The following DHRS1 variants were observed in gnomAD, a reference collection of about 807,000 sequenced individuals.
DHRS1 encodes the protein dehydrogenase/reductase SDR family member 1.
In DHRS1, 34 loss-of-function variants were observed where a neutral mutation model predicts 35.2. The observed-to-expected ratio is 0.97, with a 90% confidence interval of 0.74 to 1.29. DHRS1 has a LOEUF of 1.29. Among genes scored for constraint, DHRS1 ranks in the 50% most tolerant of loss-of-function variants. The pLI, the probability that DHRS1 is intolerant of heterozygous loss-of-function variation, is 0.00. For missense variants in DHRS1, 354 were observed against 403.6 expected (o/e 0.88, Z 1.05); for synonymous variants, 133 against 160.0 (o/e 0.83, Z 1.27).
Position 24,290,712 on chromosome 14 carries a change from C to T in DHRS1, c.*147G>A. 1 of 1,030,984 alleles carries T rather than the reference C, an allele frequency of 9.7e-7. No individual in the cohort carries two copies. The highest frequency in any genetic ancestry group is 2.4e-5 in the Admixed American group (1 of 41,562). 63.9% of individuals were successfully genotyped at this position (1,030,984 alleles called of 1,614,324 possible). ...ACAAAGAAGGGACCTAGGCGCACCC[C>T]AGAACTCACCACGGACACACAGCAG... On this transcript the variant is annotated 3_prime_UTR_variant, in exon 9 of 9. Coordinates refer to ENST00000288111, the MANE Select transcript of DHRS1 (RefSeq NM_001136050.3).
At chr14:24,297,113 C>A (rs2041263143) in intron 2 of DHRS1, among the ~76,000 whole-genome samples, 1 of 152,242 alleles carries the variant, frequency 6.6e-6, no homozygotes, top group South Asian at 2.1e-4. Context: ...TTTTAATAAT[C>A]TACAAACATT....
chr14:24,291,455 A>G lies in DHRS1; in HGVS notation c.724+101T>C, dbSNP rs183087763. The stretch of plus-strand genomic sequence containing the variant: ...CTCAAAAAGCAGAGAAAAGAATGAC[A>G]TGTTCCTCAACCAACTCCCGAGCCA... On this transcript the variant is annotated intron_variant, in intron 7 of 8. Transcript: ENST00000288111. 6.9e-6 allele frequency: 9 copies of G among 1,311,120 alleles called. No individual in the cohort carries two copies. In the African/African-American group the frequency reaches 1.0e-4, roughly 15 times the overall value. 81.2% of individuals were successfully genotyped at this position (1,311,120 alleles called of 1,614,324 possible).
intron 4 of DHRS1, among the ~76,000 whole-genome samples, chr14:24,295,729 C>T (rs1334057476): frequency 1.3e-5 from 2 of 152,224 alleles, no homozygotes; most frequent in Non-Finnish European, 2.9e-5. Flanking sequence ...CCTCCTCTGT[C>T]CTAATGATCT....
rs1160438715 is a variant in DHRS1, at chr14:24,290,756, A to C, written c.*103T>G. ...ACAGCAGAGGGCTTCTCTTCATATC[A>C]AGGGTATGGGTAAACAAGAAAGGCT... On this transcript the variant is annotated 3_prime_UTR_variant, in exon 9 of 9. Transcript: ENST00000288111. 1 of 1,461,664 alleles carries C rather than the reference A, an allele frequency of 6.8e-7. No homozygotes were observed. The highest frequency in any genetic ancestry group is 2.3e-5 in the East Asian group (1 of 43,946). 90.5% of individuals were successfully genotyped at this position (1,461,664 alleles called of 1,614,324 possible). A position where few individuals can be genotyped will look rare whatever the true frequency, so the allele number is the denominator to read the frequency against.
In DHRS1 at chr14:24,296,824, C is replaced by G; in HGVS notation, c.208G>C (p.Glu70Gln). The G allele has an allele frequency of 6.2e-7, 1 of 1,614,250 alleles. No individual in the cohort carries two copies. Among genetic ancestry groups the G allele is most frequent in the Non-Finnish European group, 8.5e-7 (1 of 1,180,044 alleles). The change falls in exon 3 of 9, where the codon GAA (glutamate) becomes CAA (glutamine). Residue 70 changes from glutamate (E) to glutamine (Q), a missense_variant. Coordinates refer to ENST00000288111, the MANE Select transcript of DHRS1 (RefSeq NM_001136050.3). ...PVVCDSSQES[E>Q]VRSLFEQVDR... is the part of the protein sequence containing the mutation. ...ACTTGCTCAAACAGGCTTCGCACTT[C>G]ACTCTCCTGGCTTGAATCGCACACC...
At chr14:24,291,510 A>T in intron 7 of DHRS1, 46 bp downstream of exon 7, 3 of 1,589,050 alleles carry the variant, frequency 1.9e-6, no homozygotes, top group Non-Finnish European at 2.6e-6. Context: ...ACCGCACTAC[A>T]CATCCTCCAT....
Position 24,292,680 on chromosome 14 carries a change from T to C in DHRS1, c.479A>G (p.Asn160Ser), listed in dbSNP as rs1012258863. 8.7e-6 allele frequency: 14 copies of C among 1,614,210 alleles called. No individual in the cohort carries two copies. The highest frequency in any genetic ancestry group is 1.2e-5 in the Non-Finnish European group (14 of 1,180,024). ...SSPGSLQYMFNVPYGVGKAAC... is the reference protein window; with the variant it reads ...SSPGSLQYMFSVPYGVGKAAC... ...AGCTTTGCCCACACCATAGGGGACATTGAACATATACTGCAGGCTTCCTGG... is the reference window on the plus strand; with the variant it reads ...AGCTTTGCCCACACCATAGGGGACACTGAACATATACTGCAGGCTTCCTGG... The change falls in exon 5 of 9, where the codon AAT becomes AGT. Residue 160 changes from asparagine (N) to serine (S), a missense_variant. By Grantham distance (46) the Asn-to-Ser change is conservative. Coordinates refer to ENST00000288111, the MANE Select transcript of DHRS1 (RefSeq NM_001136050.3).
chr14:24,292,460 A>C (rs1210920975), intron 5 of DHRS1, 130 bp from the exon 6 acceptor site: 7 of 1,477,396 alleles, frequency 4.7e-6, no homozygotes, highest in African/African-American at 1.4e-5. Flanking sequence ...TCAGCTGCCC[A>C]CGCTCCCCAG....
At chr14:24,291,111 AG>A in intron 8 of DHRS1, 27 bp downstream of exon 8, 1 of 1,612,126 alleles carries the variant, frequency 6.2e-7, no homozygotes, top group East Asian at 2.2e-5. Flanking sequence ...ACAGCAGTCA[AG>A]GCTGACTGCT....
chr14:24,292,515 A>C (rs1304911597), intron 5 of DHRS1, 137 bp downstream of exon 5: 2 of 1,528,736 alleles, frequency 1.3e-6, no homozygotes, highest in East Asian at 4.6e-5. Flanking sequence ...AAGCAAAGGA[A>C]CTGTCCATGG....
Position 24,298,986 on chromosome 14 carries a change from G to C in DHRS1, c.121C>G (p.Leu41Val), listed in dbSNP as rs565891970. 1.1e-5 allele frequency: 18 copies of C among 1,612,992 alleles called. No homozygotes were observed. The South Asian group carries it at 1.8e-4, about 16-fold the overall frequency. The change falls in exon 2 of 9, where the codon CTG becomes GTG. Residue 41 changes from leucine to valine, a missense_variant. Leu to Val is a conservative substitution (Grantham distance 32). Coordinates refer to ENST00000288111, the MANE Select transcript of DHRS1 (RefSeq NM_001136050.3). Reference protein sequence around the residue: ...GATVYITGRHLDTLRVVAQEA... With the variant: ...GATVYITGRHVDTLRVVAQEA... ...TGAGCAACAACGCGAAGGGTGTCCA[G>C]ATGGCGGCCAGTGATGTAAACTGTG...
intron 4 of DHRS1, 137 bp from the exon 5 acceptor site, chr14:24,292,921 G>C: frequency 1.8e-6 from 2 of 1,089,508 alleles, no homozygotes; most frequent in Non-Finnish European, 2.5e-6. Context: ...AGCGACCTGA[G>C]GAATTAGGGG....
intron 6 of DHRS1, chr14:24,291,873 AAT>A: frequency 1.6e-6 from 1 of 608,152 alleles, no homozygotes; most frequent in Non-Finnish European, 2.9e-6. Context: ...GGTAGTGCCA[AAT>A]AGTGTTTGGA....
In DHRS1 at chr14:24,299,670, G is replaced by C. The variant is rs2139110240; in HGVS notation, c.-114C>G. 2.6e-6 allele frequency: 1 copy of C among 380,762 alleles called. No homozygotes were observed. Among genetic ancestry groups the C allele is most frequent in the African/African-American group, 2.1e-5 (1 of 48,352 alleles). 23.6% of individuals were successfully genotyped at this position (380,762 alleles called of 1,614,324 possible). On this transcript the variant is annotated 5_prime_UTR_variant, in exon 1 of 9. Transcript: ENST00000288111. ...CCCAGATTGAGCCGGCGACGTGGAG[G>C]CAGTGTTCAAGGATTGATTCTGTAG...
At chr14:24,296,917 A>G in intron 2 of DHRS1, 36 bp from the exon 3 acceptor site, 1 of 1,613,532 alleles carries the variant, frequency 6.2e-7, no homozygotes, top group Non-Finnish European at 8.5e-7. Context: ...TCACATTCAC[A>G]CATGGGTGTG....
rs765157232 is a variant in DHRS1 at position 24,298,967 on chromosome 14, A to G, written c.140T>C (p.Val47Ala). The G allele has an allele frequency of 4.0e-5, 65 of 1,609,170 alleles. No individual in the cohort carries two copies. The highest frequency in any genetic ancestry group is 5.3e-5 in the Non-Finnish European group (62 of 1,175,968). Reference protein sequence around the residue: ...TGRHLDTLRVVAQEAQSLGGQ... With the variant: ...TGRHLDTLRVAAQEAQSLGGQ... ...AGAGGAAGCACTCACCTCCTGAGCA[A>G]CAACGCGAAGGGTGTCCAGATGGCG... Residue 47 changes from valine (V) to alanine (A), a missense_variant, in exon 2 of 9, where the codon GTT becomes GCT. Physicochemically the swap from Val to Ala is moderately conservative, Grantham distance 64 (BLOSUM62 0). Transcript: ENST00000288111.
At chr14:24,293,589 T>C (rs2041199146) in intron 4 of DHRS1, 1 of 151,168 alleles carries the variant, frequency 6.6e-6, no homozygotes, top group African/African-American at 2.4e-5. Context: ...AATAAATAAA[T>C]AAAAAGAAAG....
chr14:24,298,945 G>A lies in DHRS1; in HGVS notation c.150+12C>T, dbSNP rs201442139. On this transcript the variant is annotated intron_variant, in intron 2 of 8. Coordinates refer to ENST00000288111, the MANE Select transcript of DHRS1 (RefSeq NM_001136050.3). ...TGGTTTCTGCAACTGTGGTCCCAGA[G>A]GAAGCACTCACCTCCTGAGCAACAA... 2 of 1,596,818 alleles carry A rather than the reference G, an allele frequency of 1.3e-6. No individual in the cohort carries two copies. Among genetic ancestry groups the A allele is most frequent in the African/African-American group, 2.7e-5 (2 of 74,766 alleles).
intron 5 of DHRS1, 124 bp downstream of exon 5, chr14:24,292,528 G>A: frequency 3.2e-6 from 5 of 1,550,658 alleles, no homozygotes; most frequent in Non-Finnish European, 4.4e-6. Context: ...GTCCATGGAT[G>A]AGGCAGAGGA....
Sources: gnomAD v4.1 joint callset for allele counts (sites outside exome capture counted in the v4.1 genomes callset) on GRCh38, gnomAD v4.1.1 for gene constraint, MANE v1.5 for transcripts, NCBI Gene and HGNC (gene_info 2026-07-23, HGNC 2026-07-21) for gene names.